The following EFCAB13 variants were observed in gnomAD, a reference collection of about 807,000 sequenced individuals.
EFCAB13 encodes EF-hand calcium-binding domain-containing protein 13.
In EFCAB13, 91 loss-of-function variants were observed where a neutral mutation model predicts 110.2. That is an observed-to-expected ratio of 0.83 (90% confidence interval 0.70 to 0.98). EFCAB13 has a LOEUF of 0.98. Ranked by LOEUF, EFCAB13 falls within the 50% of genes least tolerant of loss-of-function variation. The pLI, the probability that EFCAB13 is intolerant of heterozygous loss-of-function variation, is 0.00. For missense variants in EFCAB13, 968 were observed against 1,119.4 expected, an observed-to-expected ratio of 0.86 and a Z score of 1.93; for synonymous variants, 323 against 369.9, an observed-to-expected ratio of 0.87 and a Z score of 1.45.
intron 20 of EFCAB13, among the ~76,000 whole-genome samples, chr17:47,405,257 T>A (rs1236193337): frequency 1.3e-5 from 2 of 152,218 alleles, no homozygotes; most frequent in Non-Finnish European, 2.9e-5. Context: ...TACAAACATT[T>A]GGTGAGTATC....
At chr17:47,361,577 A>AT (rs936550509) in intron 10 of EFCAB13, 56 bp downstream of exon 10, 23 of 1,441,266 alleles carry the variant, frequency 1.6e-5, no homozygotes, top group Non-Finnish European at 2.2e-5. Flanking sequence ...ATATTTATAC[A>AT]TTTTTTTCCG....
chr17:47,382,786 T>C lies in EFCAB13; in HGVS notation c.1582+3533T>C, dbSNP rs185977094. ...CTGCCTGGTTTTGGTATCAGGGTGA[T>C]GCTGGCCTCATAAAATGAGTTAGAG... On this transcript the variant is annotated intron_variant, in intron 14 of 24. Coordinates refer to ENST00000331493, the MANE Select transcript of EFCAB13 (RefSeq NM_152347.5). Among the ~76,000 whole-genome samples, 56 of 152,326 alleles carry C rather than the reference T, an allele frequency of 3.7e-4. 1 individual carries two copies. The East Asian group carries it at 0.01, about 28-fold the overall frequency.
At chr17:47,357,348 T>G (rs2065486599) in intron 9 of EFCAB13, among the ~76,000 whole-genome samples, 1 of 152,226 alleles carries the variant, frequency 6.6e-6, no homozygotes, top group African/African-American at 2.4e-5. Context: ...CAACTTAGAA[T>G]AGCTTATTTA....
At chr17:47,340,508 A>C (rs985308904) in intron 5 of EFCAB13, among the ~76,000 whole-genome samples, 13 of 152,148 alleles carry the variant, frequency 8.5e-5, no homozygotes, top group African/African-American at 3.1e-4. Flanking sequence ...CCATCTCTAC[A>C]CATACAAAAA....
intron 5 of EFCAB13, among the ~76,000 whole-genome samples, chr17:47,338,908 G>A (rs2065367597): frequency 6.7e-6 from 1 of 149,566 alleles, no homozygotes; most frequent in Non-Finnish European, 1.5e-5. Context: ...AAAAGAGCAG[G>A]GTACACCATA....
intron 14 of EFCAB13, among the ~76,000 whole-genome samples, chr17:47,382,577 A>G (rs1655228672): frequency 6.6e-6 from 1 of 152,176 alleles, no homozygotes. Flanking sequence ...GGGGTGCTTA[A>G]TTTTATTGAA....
chr17:47,335,197 C>A lies in EFCAB13; in HGVS notation c.32C>A (p.Ala11Glu). The change falls in exon 5 of 25, where the codon GCA becomes GAA. Residue 11 changes from alanine (A) to glutamate (E), a missense_variant and splice_region_variant. Transcript: ENST00000331493. The stretch of plus-strand genomic sequence containing the variant: ...GATTGTGGCTCTTATATTCCCCAGG[C>A]AGAGGAAAATATTGACTTATTAGAT... Reference protein sequence around the residue: METKVHLFCQAEENIDLLDDG... With the variant: METKVHLFCQEEENIDLLDDG... 1 of 1,594,938 alleles carries A rather than the reference C, an allele frequency of 6.3e-7. No individual in the cohort carries two copies. The highest frequency in any genetic ancestry group is 8.5e-7 in the Non-Finnish European group (1 of 1,173,602).
chr17:47,414,444 C>G lies in EFCAB13; in HGVS notation c.2423-404C>G, dbSNP rs989108142. ...AAATAGGCATGCAGAACCTGGGAGG[C>G]GGAGCTTGCAGTGAGCAGAGATTGC... On this transcript the variant is annotated intron_variant, in intron 22 of 24. Coordinates refer to ENST00000331493, the MANE Select transcript of EFCAB13 (RefSeq NM_152347.5). Among the ~76,000 whole-genome samples the G allele has an allele frequency of 4.0e-5, 6 of 149,942 alleles. No homozygotes were observed. In the South Asian group the frequency reaches 1.3e-3, roughly 31 times the overall value.
chr17:47,402,306 A>G lies in EFCAB13; in HGVS notation c.2017+103A>G, dbSNP rs1598752359. The G allele has an allele frequency of 8.4e-6, 9 of 1,065,824 alleles. No homozygotes were observed. In the East Asian group the frequency reaches 2.2e-4, roughly 26 times the overall value. 66.0% of individuals were successfully genotyped at this position (1,065,824 alleles called of 1,614,324 possible). The stretch of plus-strand genomic sequence containing the variant: ...TGTGTTCACCTAATTTCTGGTTAAC[A>G]TGTTGGCATTGATATGTTTATACGC... On this transcript the variant is annotated intron_variant, in intron 18 of 24. Transcript: ENST00000331493.
chr17:47,327,060 A>G (rs2175288), intron 3 of EFCAB13, among the ~76,000 whole-genome samples: 13,371 of 152,298 alleles, frequency 0.088, 843 homozygotes, highest in East Asian at 0.35. Context: ...AGTTGAAAAT[A>G]TGAAAATTTG....
intron 12 of EFCAB13, among the ~76,000 whole-genome samples, chr17:47,376,889 T>C (rs1025596991): frequency 1.3e-5 from 2 of 152,238 alleles, no homozygotes; most frequent in African/African-American, 4.8e-5. Context: ...TACTCTTCAT[T>C]TTGGATTTTT....
intron 11 of EFCAB13, among the ~76,000 whole-genome samples, chr17:47,371,074 T>G (rs886534082): frequency 2.9e-4 from 44 of 151,078 alleles, no homozygotes; most frequent in Middle Eastern, 3.4e-3. Flanking sequence ...TTTTTTTTTT[T>G]TTTTTTTTTA....
At chr17:47,352,969 T>C (rs547667585) in intron 9 of EFCAB13, among the ~76,000 whole-genome samples, 1 of 152,094 alleles carries the variant, frequency 6.6e-6, no homozygotes, top group Non-Finnish European at 1.5e-5. Flanking sequence ...AATCTCAGGG[T>C]TTTTTGGGAG....
intron 16 of EFCAB13, 110 bp downstream of exon 16, chr17:47,394,209 T>A: frequency 1.7e-6 from 1 of 603,412 alleles, no homozygotes; most frequent in Non-Finnish European, 2.7e-6. Context: ...ATCCTGCAGG[T>A]CATCCGACAA....
chr17:47,421,293 T>C (rs1230083999), intron 23 of EFCAB13, among the ~76,000 whole-genome samples: 2 of 152,208 alleles, frequency 1.3e-5, no homozygotes, highest in Admixed American at 1.3e-4. Flanking sequence ...CATTTTGCTC[T>C]GTACTAAGAA....
At chr17:47,397,211 G>A (rs1005229102) in intron 17 of EFCAB13, among the ~76,000 whole-genome samples, 3 of 152,120 alleles carry the variant, frequency 2.0e-5, no homozygotes, top group East Asian at 1.9e-4. Context: ...ACGGGGTTTC[G>A]CTGTGTTGGC....
chr17:47,414,789 T>C, intron 22 of EFCAB13, 59 bp from the exon 23 acceptor site: 1 of 1,122,144 alleles, frequency 8.9e-7, no homozygotes, highest in Non-Finnish European at 1.3e-6. Flanking sequence ...GGTCTTTATT[T>C]CATGTGCCAA....
chr17:47,416,764 A>G (rs1326012950), intron 23 of EFCAB13, among the ~76,000 whole-genome samples: 1 of 152,206 alleles, frequency 6.6e-6, no homozygotes, highest in African/African-American at 2.4e-5. Context: ...GTGTTTTCAA[A>G]GTTCATTTAT....
rs73324417 is a variant in EFCAB13 at position 47,340,366 on chromosome 17, T to G, written c.192-1555T>G. 8.7e-3 allele frequency among the ~76,000 whole-genome samples: 1,326 copies of G among 152,206 alleles called. 19 individuals are homozygous for G. The highest frequency in any genetic ancestry group is 0.031 in the African/African-American group (1,271 of 41,534). On this transcript the variant is annotated intron_variant, in intron 5 of 24. Coordinates refer to ENST00000331493, the MANE Select transcript of EFCAB13 (RefSeq NM_152347.5). ...TCTAGCAGCCAGGCATTGTGGTGTG[T>G]GCCTATAATTCAGTACTCAGGAGGC...
Sources: gnomAD v4.1 joint callset for allele counts (sites outside exome capture counted in the v4.1 genomes callset) on GRCh38, gnomAD v4.1.1 for gene constraint, MANE v1.5 for transcripts, NCBI Gene and HGNC (gene_info 2026-07-23, HGNC 2026-07-21) for gene names.